ATF2: variants seen among roughly 807,000 people sequenced by gnomAD.
ATF2 encodes activating transcription factor 2.
Under a neutral mutation model 60.6 loss-of-function variants are expected in ATF2, and 24 were observed. The ratio of observed to expected loss-of-function variants is 0.40; its 90% CI spans 0.29 to 0.56. The LOEUF is 0.56. ATF2 is among the 20% of genes least tolerant of loss of function. The pLI is 0.54. For synonymous variants in ATF2, 206 were observed against 215.4 expected, an observed-to-expected ratio of 0.96 and a Z score of 0.38; for missense variants, 433 against 607.7, an observed-to-expected ratio of 0.71 and a Z score of 3.02.
intron 5 of ATF2, among the ~76,000 whole-genome samples, chr2:175,119,384 A>T (rs1559085088): frequency 6.6e-6 from 1 of 151,592 alleles, no homozygotes; most frequent in African/African-American, 2.4e-5. Context: ...AATACTCCTA[A>T]TTCCTTTTGT....
intron 2 of ATF2, among the ~76,000 whole-genome samples, chr2:175,142,316 G>T (rs1018262395): frequency 6.6e-6 from 1 of 151,268 alleles, no homozygotes; most frequent in Admixed American, 6.6e-5. Flanking sequence ...TTACAGGCAC[G>T]CACCACCACT....
intron 2 of ATF2, among the ~76,000 whole-genome samples, chr2:175,150,611 A>G (rs997377903): frequency 2.6e-5 from 4 of 152,198 alleles, no homozygotes; most frequent in African/African-American, 9.6e-5. Context: ...ATATCATTCA[A>G]TTAGAAAGCA....
chr2:175,130,193 A>C lies in ATF2; in HGVS notation c.47T>G (p.Leu16Arg). The C allele has an allele frequency of 6.3e-7, 1 of 1,590,390 alleles. No individual in the cohort carries two copies. The highest frequency in any genetic ancestry group is 1.3e-5 in the African/African-American group (1 of 74,586). The change falls in exon 4 of 14, where the codon CTG becomes CGG. Residue 16 changes from leucine (L) to arginine (R), a missense_variant. Around this residue, in one of 5 missense-constraint regions of ATF2, gnomAD observed 20 missense variants for 16.9 expected, o/e 1.19. Transcript: ENST00000264110. ...GGGTTTGTCATCACTCATATTCCAC[A>C]GGTCCTTGTATTGCCTATAATCAAA... ...HVNSARQYKD[L>R]WNMSDDKPFL...
At chr2:175,075,641 T>C (rs1444895809) in intron 13 of ATF2, among the ~76,000 whole-genome samples, 2 of 152,264 alleles carry the variant, frequency 1.3e-5, no homozygotes, top group East Asian at 1.9e-4. Context: ...CAAATATTTA[T>C]AGTATATGTA....
At chr2:175,145,473 G>T (rs1318129958) in intron 2 of ATF2, among the ~76,000 whole-genome samples, 1 of 152,170 alleles carries the variant, frequency 6.6e-6, no homozygotes, top group Non-Finnish European at 1.5e-5. Flanking sequence ...AATGCTCCTT[G>T]AGGCTTCCTG....
At chr2:175,132,902 A>C (rs1387756674) in intron 3 of ATF2, 4 of 152,182 alleles carry the variant, frequency 2.6e-5, no homozygotes, top group Non-Finnish European at 5.9e-5. Flanking sequence ...CCTGGCCAAC[A>C]TGGTGAAACC....
chr2:175,148,626 T>G (rs1054040729), intron 2 of ATF2, among the ~76,000 whole-genome samples: 1 of 152,172 alleles, frequency 6.6e-6, no homozygotes, highest in African/African-American at 2.4e-5. Flanking sequence ...CTGACCAACA[T>G]TAATATCAAC....
intron 13 of ATF2, among the ~76,000 whole-genome samples, chr2:175,076,568 C>G (rs144768586): frequency 2.0e-5 from 3 of 152,150 alleles, no homozygotes; most frequent in Non-Finnish European, 2.9e-5. Context: ...CCTTCACCCC[C>G]CTACTTTTCT....
In ATF2 at chr2:175,106,693, G is replaced by GC. The variant is rs1383456523; in HGVS notation, c.828+4874dup. Reference sequence around the variant, plus strand: ...TCTACTAAAAATACAAAAATTAGCTGCATGTGGTGGCGGAAGCCTGTAATC... The same window carrying GC: ...TCTACTAAAAATACAAAAATTAGCTGCCATGTGGTGGCGGAAGCCTGTAATC... On this transcript the variant is annotated intron_variant, in intron 10 of 13. Coordinates refer to ENST00000264110, the MANE Select transcript of ATF2 (RefSeq NM_001880.4). Among the ~76,000 whole-genome samples the GC allele has an allele frequency of 5.9e-5, 9 of 152,042 alleles. No individual in the cohort carries two copies. In the East Asian group the frequency reaches 1.7e-3, roughly 29 times the overall value.
chr2:175,135,912 C>T (rs1242993415), intron 3 of ATF2, among the ~76,000 whole-genome samples: 1 of 152,162 alleles, frequency 6.6e-6, no homozygotes, highest in Middle Eastern at 3.4e-3. Context: ...AATAGCAATG[C>T]TCCCCAAAAC....
chr2:175,124,655 ACTGT>A, intron 4 of ATF2, among the ~76,000 whole-genome samples: 1 of 151,924 alleles, frequency 6.6e-6, no homozygotes, highest in Admixed American at 6.6e-5. Context: ...TGATATATTC[ACTGT>A]CTCTCTCATG....
chr2:175,127,056 A>G lies in ATF2; in HGVS notation c.102+3082T>C, dbSNP rs916527868. 4.0e-5 allele frequency: 6 copies of G among 151,652 alleles called. 1 individual carries two copies. The highest frequency in any genetic ancestry group is 1.5e-4 in the African/African-American group (6 of 41,258). The allele number at this position is 151,652 out of a possible 1,614,324, so 9.4% of individuals were successfully genotyped here. ...AGAACAGCCTGGACAACATTGAGAG[A>G]TCCTGTATCCAAAAAAAAAAACCAA... On this transcript the variant is annotated intron_variant, in intron 4 of 13. Transcript: ENST00000264110.
At chr2:175,099,102 CTT>C (rs35356799) in intron 10 of ATF2, among the ~76,000 whole-genome samples, 21 of 113,556 alleles carry the variant, frequency 1.8e-4, no homozygotes, top group Non-Finnish European at 1.9e-4. Flanking sequence ...TATTAAATTT[CTT>C]TTTTTTTTTT....
intron 13 of ATF2, chr2:175,080,409 A>G: frequency 3.7e-6 from 1 of 267,252 alleles, no homozygotes; most frequent in Admixed American, 5.2e-5. Flanking sequence ...TATATTTTAA[A>G]TTATTAGCTA....
At chr2:175,111,286 A>G (rs528044115) in intron 10 of ATF2, among the ~76,000 whole-genome samples, 1 of 152,250 alleles carries the variant, frequency 6.6e-6, no homozygotes, top group African/African-American at 2.4e-5. Flanking sequence ...TAATACTCCT[A>G]TTTTCCACTA....
intron 13 of ATF2, among the ~76,000 whole-genome samples, chr2:175,075,702 T>A (rs1482084667): frequency 6.6e-6 from 1 of 152,118 alleles, no homozygotes; most frequent in Non-Finnish European, 1.5e-5. Flanking sequence ...AGCCGCCAAC[T>A]TAAGAGAGAA....
intron 1 of ATF2, 48 bp from the exon 2 acceptor site, chr2:175,151,206 G>A (rs1423941251): frequency 1.3e-5 from 2 of 152,062 alleles, no homozygotes; most frequent in Admixed American, 6.6e-5. Context: ...TACCATGTGG[G>A]ATCTAAATTA....
intron 3 of ATF2, among the ~76,000 whole-genome samples, chr2:175,136,015 GTTTTTT>G (rs34199956): frequency 8.0e-6 from 1 of 124,942 alleles, no homozygotes; most frequent in Non-Finnish European, 1.7e-5. Flanking sequence ...TTCTTTCTTT[GTTTTTT>G]TTTTTTTTTT....
At chr2:175,159,244 G>A (rs1235036611) in intron 1 of ATF2, among the ~76,000 whole-genome samples, 1 of 152,050 alleles carries the variant, frequency 6.6e-6, no homozygotes, top group Admixed American at 6.6e-5. Flanking sequence ...GCTTGAGCCT[G>A]GGAGGTGGAG....
Sources: gnomAD v4.1 joint callset for allele counts (sites outside exome capture counted in the v4.1 genomes callset) on GRCh38, gnomAD v4.1.1 for gene constraint, gnomAD v4.1.1 regional missense constraint, MANE v1.5 for transcripts, NCBI Gene and HGNC (gene_info 2026-07-23, HGNC 2026-07-21) for gene names.